MUC4: variants seen among roughly 807,000 people sequenced by gnomAD.
The protein encoded by MUC4 is mucin-4.
A neutral mutation model predicts 257.9 loss-of-function variants in MUC4; 202 were observed. The ratio of observed to expected loss-of-function variants is 0.78; its 90% CI spans 0.70 to 0.88. The LOEUF is 0.88. Among genes scored for constraint, MUC4 ranks in the 40% least tolerant of loss-of-function variants. MUC4 has a pLI of 0.00. For synonymous variants in MUC4, 2,351 were observed against 2,757.1 expected (o/e 0.85, Z 4.62); for missense variants, 5,976 against 6,513.7 (o/e 0.92, Z 2.84).
At chr3:195,811,547 GT>G (rs1477847934) in intron 1 of MUC4, among the ~76,000 whole-genome samples, 188 bp downstream of exon 1, 4 of 151,286 alleles carry the variant, frequency 2.6e-5, no homozygotes, top group Non-Finnish European at 4.4e-5. Flanking sequence ...TTCCCCCCAT[GT>G]TGTCCCATTC....
Position 195,791,124 on chromosome 3 carries a change from T to C in MUC4, c.456A>G (p.Glu152=). 2 of 1,613,480 alleles carry C rather than the reference T, an allele frequency of 1.2e-6. No homozygotes were observed. Among genetic ancestry groups the C allele is most frequent in the Non-Finnish European group, 1.7e-6 (2 of 1,179,754 alleles). ...TTTCAGTTCCTGCTGTTGATGTCTC[T>C]TCTGTGTTTCCAAGAGTGGAGTCTG... is the stretch of plus-strand genomic sequence containing the variant. ...TSTDSTLGNT[E]ETSTAGTESS... is the part of the protein sequence containing the mutation. The change falls in exon 2 of 25, where the codon GAA becomes GAG. Residue 152 remains glutamate, a synonymous_variant. Transcript: ENST00000463781.
chr3:195,811,596 C>A, intron 1 of MUC4, 140 bp downstream of exon 1: 1 of 687,184 alleles, frequency 1.5e-6, no homozygotes, highest in Admixed American at 2.6e-5. Context: ...TTTTCTCTCC[C>A]TTCTCTTCCT....
intron 8 of MUC4, among the ~76,000 whole-genome samples, chr3:195,766,183 A>G (rs1415247119): frequency 6.6e-6 from 1 of 151,758 alleles, no homozygotes; most frequent in Non-Finnish European, 1.5e-5. Flanking sequence ...CTGGTCTCGA[A>G]CTCCTGATCT....
intron 3 of MUC4, among the ~76,000 whole-genome samples, chr3:195,775,278 A>G (rs1350364419): frequency 6.6e-6 from 1 of 151,580 alleles, no homozygotes; most frequent in African/African-American, 2.4e-5. Context: ...TGCCGGCCGC[A>G]CTTTTTGCTA....
intron 1 of MUC4, chr3:195,809,936 G>A (rs1736480686): frequency 1.3e-5 from 2 of 152,508 alleles, no homozygotes; most frequent in South Asian, 4.1e-4. Context: ...TGGCCCTGGG[G>A]CTCCTAAATC....
At position 195,754,298 on chromosome 3, in the gene MUC4, C is replaced by G. The variant is rs151202432; in HGVS notation, c.15243G>C (p.Pro5081=). The G allele has an allele frequency of 4.3e-6, 7 of 1,613,778 alleles. No individual in the cohort carries two copies. In the South Asian group the frequency reaches 5.5e-5, roughly 13 times the overall value. Residue 5081 remains proline (P), a synonymous_variant, in exon 19 of 25, where the codon CCG becomes CCC. Transcript: ENST00000463781. The part of the protein sequence containing the change: ...CEGSEDACEE[P]CFPSVHCVPG... ...GAACGCAGTGGACACTCGGGAAGCA[C>G]GGCTCCTCACAGGCATCCTCGGAGC...
chr3:195,761,699 A>C, intron 14 of MUC4, 114 bp from the exon 15 acceptor site: 1 of 793,792 alleles, frequency 1.3e-6, no homozygotes, highest in Non-Finnish European at 2.1e-6. Flanking sequence ...CTGCTCTTGC[A>C]CCTGCTGTCA....
intron 23 of MUC4, 100 bp from the exon 24 acceptor site, chr3:195,749,164 A>C: frequency 7.0e-7 from 1 of 1,427,552 alleles, no homozygotes; most frequent in East Asian, 2.4e-5. Flanking sequence ...ATCCTGAGAA[A>C]TAATTGGAGA....
At chr3:195,754,514 C>G (rs1047308286) in intron 18 of MUC4, 142 bp from the exon 19 acceptor site, 6 of 1,143,810 alleles carry the variant, frequency 5.2e-6, no homozygotes, top group Non-Finnish European at 7.2e-6. Context: ...TGAGCACCTT[C>G]TTGACCAGGC....
intron 1 of MUC4, among the ~76,000 whole-genome samples, chr3:195,795,810 T>G (rs1161357468): frequency 9.1e-6 from 1 of 109,590 alleles, no homozygotes; most frequent in African/African-American, 3.7e-5. Context: ...TCTTTGAAAA[T>G]AAAACAAATA....
intron 1 of MUC4, among the ~76,000 whole-genome samples, chr3:195,807,407 G>A (rs1290176057): frequency 6.6e-6 from 1 of 152,116 alleles, no homozygotes; most frequent in East Asian, 1.9e-4. Context: ...GGCAGAGGCT[G>A]CACTGAGCTG....
At chr3:195,802,190 A>G (rs1431559980) in intron 1 of MUC4, among the ~76,000 whole-genome samples, 1 of 152,168 alleles carries the variant, frequency 6.6e-6, no homozygotes, top group Non-Finnish European at 1.5e-5. Flanking sequence ...ACAGTCCCCC[A>G]GACATCCAGC....
rs1022201103 is a variant in MUC4 at position 195,791,042 on chromosome 3, G to A, written c.538C>T (p.Arg180Ter). ...SITAGQEGQS[R>*]TTSWRTSIQD... ...ATAGAGGTCCTCCAGGAAGTTGTTC[G>A]TGATTGTCCTTCCTGTCCAGCTGTT... Residue 180 changes from arginine (R) to a stop codon, truncating the protein, a stop_gained, in exon 2 of 25, where the codon CGA (arginine) becomes TGA (stop). Coordinates refer to ENST00000463781, the MANE Select transcript of MUC4 (RefSeq NM_018406.7). LOFTEE classifies it high-confidence loss of function. 9.3e-6 allele frequency: 15 copies of A among 1,613,722 alleles called. No individual in the cohort carries two copies. The highest frequency in any genetic ancestry group is 5.3e-5 in the African/African-American group (4 of 74,854).
rs879132833 is a variant in MUC4, at chr3:195,784,206, G to C, written c.7374C>G (p.Ser2458=). 1.3e-6 allele frequency: 2 copies of C among 1,497,932 alleles called. No homozygotes were observed. The highest frequency in any genetic ancestry group is 1.8e-6 in the Non-Finnish European group (2 of 1,111,368). 92.8% of individuals were successfully genotyped at this position (1,497,932 alleles called of 1,614,324 possible). Residue 2458 remains serine, a synonymous_variant, in exon 2 of 25, where the codon TCC becomes TCG. Coordinates refer to ENST00000463781, the MANE Select transcript of MUC4 (RefSeq NM_018406.7). Reference sequence around the variant, plus strand: ...CAGGAAGAGGGGTGGTGTCACCTGTGGATGCTGAGGAAGTGCTGGTGACAG... The same window carrying C: ...CAGGAAGAGGGGTGGTGTCACCTGTCGATGCTGAGGAAGTGCTGGTGACAG... ...PLPVTSTSSA[S]TGDTTPLPGT... is the part of the protein sequence containing the mutation.
At chr3:195,803,287 T>C (rs1183192720) in intron 1 of MUC4, among the ~76,000 whole-genome samples, 1 of 152,342 alleles carries the variant, frequency 6.6e-6, no homozygotes, top group Non-Finnish European at 1.5e-5. Flanking sequence ...GCCCGATTCT[T>C]GCGTGCCTTC....
In MUC4 at chr3:195,786,421, G is replaced by T; in HGVS notation, c.5159C>A (p.Ser1720Ter). Reference sequence around the variant, plus strand: ...AGGCGTGGTGTCACCTGTGGATACTGAGGAAAGGCTGGTGACAGGAAGAGG... The same window carrying T: ...AGGCGTGGTGTCACCTGTGGATACTTAGGAAAGGCTGGTGACAGGAAGAGG... ...ATPLPVTSLSSVSTGDTTPLP... is the reference protein window; with the variant it reads ...ATPLPVTSLS The change falls in exon 2 of 25, where the codon TCA becomes TAA. Residue 1720 changes from serine (S) to a stop codon, truncating the protein, a stop_gained. Transcript: ENST00000463781. LOFTEE classifies it high-confidence loss of function. 4 of 1,533,240 alleles carry T rather than the reference G, an allele frequency of 2.6e-6. No homozygotes were observed. The highest frequency in any genetic ancestry group is 3.5e-6 in the Non-Finnish European group (4 of 1,136,088). The allele number at this position is 1,533,240 out of a possible 1,614,324, so 95.0% of individuals were successfully genotyped here.
At chr3:195,771,082 C>CTGGTCAGTCTCGTGGCT (rs1722754058) in intron 5 of MUC4, among the ~76,000 whole-genome samples, 6 of 66,384 alleles carry the variant, frequency 9.0e-5, no homozygotes, top group African/African-American at 1.5e-4. Flanking sequence ...GTCTCGTGGC[C>CTGGTCAGTCTCGTGGCT]GGGTTGGGGT....
rs752904574 is a variant in MUC4 at position 195,778,816 on chromosome 3, T to C, written c.12764A>G (p.Asp4255Gly). The change falls in exon 2 of 25, where the codon GAC (aspartate) becomes GGC (glycine). Residue 4255 changes from aspartate (D) to glycine (G), a missense_variant. Transcript: ENST00000463781. Reference sequence around the variant, plus strand: ...TGGTGTTTCCATCTTCAGAGGGGAGTCCGAGGATACTGTGGAAGCTGAGGT... The same window carrying C: ...TGGTGTTTCCATCTTCAGAGGGGAGCCCGAGGATACTGTGGAAGCTGAGGT... ...SATSASTVSS[D>G]SPLKMETPGM... The C allele has an allele frequency of 1.2e-6, 2 of 1,611,626 alleles. No individual in the cohort carries two copies. The highest frequency in any genetic ancestry group is 1.7e-6 in the Non-Finnish European group (2 of 1,179,268).
rs759772750 is a variant in MUC4, at chr3:195,753,215, A to T, written c.15344T>A (p.Phe5115Tyr). ...AGGGCAGGACTGGTTCTGACACAGG[A>T]AAGAGCTCCCCAGAGCTGCAGAGTG... Reference protein sequence around the residue: ...GRHCAALGSSFLCQNQSCPVN... With the variant: ...GRHCAALGSSYLCQNQSCPVN... The change falls in exon 20 of 25, where the codon TTC becomes TAC. Residue 5115 changes from phenylalanine to tyrosine, a missense_variant. Around this residue, in one of 44 missense-constraint regions of MUC4, gnomAD observed 996 missense variants for 1,137.3 expected, o/e 0.88. Transcript: ENST00000463781. 6.2e-7 allele frequency: 1 copy of T among 1,613,938 alleles called. No individual in the cohort carries two copies. Among genetic ancestry groups the T allele is most frequent in the Admixed American group, 1.7e-5 (1 of 60,002 alleles).
Sources: allele counts gnomAD v4.1 joint callset (sites outside exome capture counted in the v4.1 genomes callset), GRCh38; gene constraint gnomAD v4.1.1; regional missense constraint gnomAD v4.1.1; transcripts MANE v1.5; gene names NCBI Gene and HGNC (gene_info 2026-07-23, HGNC 2026-07-21).